Variants in ARHGAP32 observed in about 807,000 individuals in gnomAD.
ARHGAP32 encodes the protein Rho GTPase activating protein 32, also known as rho GTPase-activating protein 32.
ARHGAP32 carries 51 observed loss-of-function variants against 186.5 expected under a neutral mutation model. The observed-to-expected ratio is 0.27, with a 90% CI of 0.22 to 0.35. The LOEUF is 0.35. ARHGAP32 is among the 10% of genes least tolerant of loss of function. The pLI, the probability that ARHGAP32 is intolerant of heterozygous loss-of-function variation, is 1.00. For missense variants in ARHGAP32, 2,186 were observed against 2,623.5 expected, an observed-to-expected ratio of 0.83 and a Z score of 3.64; for synonymous variants, 950 against 964.3, an observed-to-expected ratio of 0.99 and a Z score of 0.27.
intron 15 of ARHGAP32, among the ~76,000 whole-genome samples, chr11:128,982,592 A>G (rs1477234875): frequency 6.6e-6 from 1 of 152,024 alleles, no homozygotes; most frequent in East Asian, 1.9e-4. Flanking sequence ...GAGTAAAACT[A>G]CTAAAGACAA....
At chr11:129,248,777 G>A (rs1945138588) in intron 1 of ARHGAP32, among the ~76,000 whole-genome samples, 1 of 152,122 alleles carries the variant, frequency 6.6e-6, no homozygotes, top group African/African-American at 2.4e-5. Flanking sequence ...CAGTACTGCT[G>A]ATGACTCAAG....
At chr11:129,064,458 T>C (rs1420416441) in intron 8 of ARHGAP32, among the ~76,000 whole-genome samples, 1 of 152,124 alleles carries the variant, frequency 6.6e-6, no homozygotes, top group Non-Finnish European at 1.5e-5. Context: ...ATTTACTGAA[T>C]AATGTTTCAC....
At chr11:129,126,899 CA>C (rs897169404) in intron 2 of ARHGAP32, among the ~76,000 whole-genome samples, 13 of 151,848 alleles carry the variant, frequency 8.6e-5, no homozygotes, top group African/African-American at 3.1e-4. Context: ...GTTTGTGCAC[CA>C]AAATTTACTT....
At chr11:129,259,987 T>C (rs1047392223) in intron 1 of ARHGAP32, among the ~76,000 whole-genome samples, 4 of 152,168 alleles carry the variant, frequency 2.6e-5, no homozygotes, top group African/African-American at 9.7e-5. Context: ...TCTCAAACAA[T>C]CCCTTGTTCA....
chr11:129,036,270 C>T (rs1939331360), intron 11 of ARHGAP32, among the ~76,000 whole-genome samples: 2 of 150,574 alleles, frequency 1.3e-5, no homozygotes, highest in Admixed American at 6.6e-5. Context: ...ATCCCAGCTA[C>T]TCGGGAGGCT....
At chr11:129,160,883 C>CA (rs1397736497) in intron 2 of ARHGAP32, among the ~76,000 whole-genome samples, 1 of 152,174 alleles carries the variant, frequency 6.6e-6, no homozygotes, top group Admixed American at 6.5e-5. Flanking sequence ...AAGCTGGAGG[C>CA]ATCACGCTAC....
chr11:129,193,604 A>T (rs1456838971), upstream of ARHGAP32, among the ~76,000 whole-genome samples: 15 of 74,410 alleles, frequency 2.0e-4, no homozygotes, highest in Admixed American at 4.1e-4. Flanking sequence ...GTTATATATA[A>T]TATATAATAT....
At chr11:129,072,446 G>T (rs967323985) in intron 6 of ARHGAP32, among the ~76,000 whole-genome samples, 1 of 152,154 alleles carries the variant, frequency 6.6e-6, no homozygotes, top group Non-Finnish European at 1.5e-5. Flanking sequence ...TATGTAAGGA[G>T]CTCAGAAGTC....
chr11:129,149,834 G>A (rs1009823744), intron 2 of ARHGAP32, among the ~76,000 whole-genome samples: 19 of 152,022 alleles, frequency 1.2e-4, no homozygotes, highest in African/African-American at 4.3e-4. Flanking sequence ...AAGGTTGATT[G>A]TAAAGCTAAT....
In ARHGAP32 at chr11:128,980,536, G is replaced by C; in HGVS notation, c.1976+17C>G. On this transcript the variant is annotated intron_variant, in intron 18 of 22. Transcript: ENST00000682385. ...CTATGAAAATCATATCCCAAAATAG[G>C]ATTTAACAAATTTTACCTTTCAAGT... The C allele has an allele frequency of 1.3e-6, 2 of 1,584,428 alleles. No homozygotes were observed. The highest frequency in any genetic ancestry group is 8.6e-7 in the Non-Finnish European group (1 of 1,162,786).
Position 129,085,442 on chromosome 11 carries a change from ACT to A in ARHGAP32, c.531+8177_531+8178del, listed in dbSNP as rs1284048515. Among the ~76,000 whole-genome samples, 10 of 152,182 alleles carry A rather than the reference ACT, an allele frequency of 6.6e-5. No individual in the cohort carries two copies. In the East Asian group the frequency reaches 1.7e-3, roughly 26 times the overall value. On this transcript the variant is annotated intron_variant, in intron 6 of 22. Transcript: ENST00000682385. ...ACAGCTATATAAGGAAAACTACAAAACTCTGGTGAAAGATGTCAAAGACCTAA... is the reference window on the plus strand; with the variant it reads ...ACAGCTATATAAGGAAAACTACAAAACTGGTGAAAGATGTCAAAGACCTAA...
intron 1 of ARHGAP32, among the ~76,000 whole-genome samples, chr11:129,262,574 AGGGTTTCACCAGG>A (rs1302363915): frequency 6.6e-6 from 1 of 151,944 alleles, no homozygotes; most frequent in Non-Finnish European, 1.5e-5. Flanking sequence ...TTTAGTAGAC[AGGGTTTCACCAGG>A]GGGTTTCACA....
chr11:129,170,912 G>A (rs1943746859), intron 1 of ARHGAP32, among the ~76,000 whole-genome samples: 1 of 152,166 alleles, frequency 6.6e-6, no homozygotes. Context: ...GCATTTCTCT[G>A]ATGATCAGTT....
intron 14 of ARHGAP32, 97 bp downstream of exon 14, chr11:128,986,427 T>G: frequency 2.3e-6 from 3 of 1,333,104 alleles, no homozygotes; most frequent in Non-Finnish European, 3.1e-6. Flanking sequence ...GTCACAGAAC[T>G]ATTTCTTACA....
At chr11:129,221,190 T>C (rs1484516519) in intron 1 of ARHGAP32, among the ~76,000 whole-genome samples, 1 of 152,174 alleles carries the variant, frequency 6.6e-6, no homozygotes, top group African/African-American at 2.4e-5. Flanking sequence ...AAAATGATAC[T>C]GCCCGCAAAA....
chr11:128,986,646 C>A lies in ARHGAP32; in HGVS notation c.1321G>T (p.Val441Phe). 1 of 1,613,914 alleles carries A rather than the reference C, an allele frequency of 6.2e-7. No homozygotes were observed. ...TACGGTTCTTTCGTCAGGTCGGGGA[C>A]GTGCTCAGAGTCAAATTCATGGCTG... ...RLRHEFDSEH[V>F]PDLTKEPYVQ... Residue 441 changes from valine (V) to phenylalanine (F), a missense_variant, in exon 14 of 23, where the codon GTC becomes TTC. Physicochemically the swap from Val to Phe is conservative, Grantham distance 50 (BLOSUM62 -1). Around this residue, in one of 5 missense-constraint regions of ARHGAP32, gnomAD observed 308 missense variants for 596.5 expected, o/e 0.52. Coordinates refer to ENST00000682385, the MANE Select transcript of ARHGAP32 (RefSeq NM_001378024.1).
intron 11 of ARHGAP32, among the ~76,000 whole-genome samples, chr11:129,034,728 CAAAA>C (rs767897442): frequency 1.4e-5 from 1 of 72,586 alleles, no homozygotes; most frequent in African/African-American, 4.8e-5. Context: ...AAACTGAAAA[CAAAA>C]AAAAAAAAAA....
At chr11:129,072,262 G>A (rs1303214043) in intron 6 of ARHGAP32, among the ~76,000 whole-genome samples, 1 of 151,992 alleles carries the variant, frequency 6.6e-6, no homozygotes. Flanking sequence ...TTTGTTATAC[G>A]CTTTTTATTT....
At chr11:128,986,722 G>A in intron 13 of ARHGAP32, 54 bp from the exon 14 acceptor site, 1 of 1,571,048 alleles carries the variant, frequency 6.4e-7, no homozygotes, top group Non-Finnish European at 8.7e-7. Flanking sequence ...GAGCAAATAT[G>A]TGTCTTAAAA....
Sources: gnomAD v4.1 joint callset for allele counts (sites outside exome capture counted in the v4.1 genomes callset) on GRCh38, gnomAD v4.1.1 for gene constraint, gnomAD v4.1.1 regional missense constraint, MANE v1.5 for transcripts, NCBI Gene and HGNC (gene_info 2026-07-23, HGNC 2026-07-21) for gene names.